The following RGS18 variants were observed in gnomAD, a reference collection of about 807,000 sequenced individuals.
RGS18 encodes the protein regulator of G protein signaling 18, also known as regulator of G-protein signaling 18.
In RGS18, 22 loss-of-function variants were observed where a neutral mutation model predicts 27.6. The observed-to-expected ratio is 0.80, with a 90% CI of 0.57 to 1.14. The LOEUF is 1.14. RGS18 is among the 50% of genes most tolerant of loss of function. The pLI, the probability that RGS18 is intolerant of heterozygous loss-of-function variation, is 0.00. For missense variants in RGS18, 299 were observed against 269.6 expected, an observed-to-expected ratio of 1.11 and a Z score of -0.76; for synonymous variants, 89 against 84.6, an observed-to-expected ratio of 1.05 and a Z score of -0.29.
At chr1:192,182,807 A>C (rs1054026669) in intron 4 of RGS18, among the ~76,000 whole-genome samples, 3 of 151,600 alleles carry the variant, frequency 2.0e-5, no homozygotes, top group African/African-American at 7.3e-5. Flanking sequence ...ATAAGTGATG[A>C]AGTCAAGGGA....
intron 3 of RGS18, among the ~76,000 whole-genome samples, chr1:192,162,630 T>C (rs1239473390): frequency 2.0e-5 from 3 of 152,196 alleles, no homozygotes. Flanking sequence ...TTGCCAAATC[T>C]ATGTCAAACT....
chr1:192,173,127 T>A (rs777540704), intron 3 of RGS18, among the ~76,000 whole-genome samples: 32 of 151,810 alleles, frequency 2.1e-4, no homozygotes, highest in Admixed American at 1.3e-4. Context: ...TCATTTTATA[T>A]GGAACTTTTT....
chr1:192,184,656 T>C lies in RGS18; in HGVS notation c.*102T>C, dbSNP rs1258480780. ...TGGTCCCATCCTTTAAACTGAAATA[T>C]GTCATGTGAAATTATTTTAAAAATG... is the stretch of plus-strand genomic sequence containing the variant. On this transcript the variant is annotated 3_prime_UTR_variant, in exon 5 of 5. Transcript: ENST00000367460. 5.5e-6 allele frequency: 6 copies of C among 1,100,456 alleles called. No homozygotes were observed. The highest frequency in any genetic ancestry group is 1.6e-5 in the South Asian group (1 of 62,246). 68.2% of individuals were successfully genotyped at this position (1,100,456 alleles called of 1,614,324 possible).
intron 1 of RGS18, 103 bp from the exon 2 acceptor site, chr1:192,159,117 G>A: frequency 1.4e-6 from 1 of 705,212 alleles, no homozygotes; most frequent in Admixed American, 2.3e-5. Flanking sequence ...TGTGGGTATG[G>A]GTGGGCGTGG....
At chr1:192,176,041 C>T (rs1265627965) in intron 3 of RGS18, among the ~76,000 whole-genome samples, 2 of 151,776 alleles carry the variant, frequency 1.3e-5, no homozygotes, top group African/African-American at 2.4e-5. Context: ...GCAGCCTGTC[C>T]TGGTTTTTAT....
chr1:192,160,543 G>T, intron 3 of RGS18, 104 bp downstream of exon 3: 1 of 723,184 alleles, frequency 1.4e-6, no homozygotes, highest in East Asian at 2.7e-5. Context: ...TTGTCTGATT[G>T]TTAATTTTCA....
Position 192,184,451 on chromosome 1 carries a change from T to C in RGS18, c.605T>C (p.Met202Thr), listed in dbSNP as rs1490714850. 16 of 1,611,696 alleles carry C rather than the reference T, an allele frequency of 9.9e-6. No homozygotes were observed. In the South Asian group the frequency reaches 1.8e-4, roughly 18 times the overall value. Residue 202 changes from methionine (M) to threonine (T), a missense_variant, in exon 5 of 5, where the codon ATG becomes ACG. By Grantham distance (81) the Met-to-Thr change is moderately conservative (BLOSUM62 -1). Coordinates refer to ENST00000367460, the MANE Select transcript of RGS18 (RefSeq NM_130782.3). The stretch of plus-strand genomic sequence containing the variant: ...AAATCTGACATCTATTTAGACTTGA[T>C]GGAAGGAAGACCTCAGAGACCAACA... ...FLKSDIYLDL[M>T]EGRPQRPTNL...
intron 3 of RGS18, among the ~76,000 whole-genome samples, chr1:192,174,791 A>C (rs1352804684): frequency 6.6e-6 from 1 of 151,800 alleles, no homozygotes; most frequent in African/African-American, 2.4e-5. Context: ...CTTTTCATTT[A>C]ATGTGTCTCT....
At chr1:192,180,610 T>C (rs983062308) in intron 3 of RGS18, among the ~76,000 whole-genome samples, 2 of 151,652 alleles carry the variant, frequency 1.3e-5, no homozygotes, top group African/African-American at 4.8e-5. Context: ...TGTAAGCCAC[T>C]TGGAAGATTA....
At position 192,184,750 on chromosome 1, in the gene RGS18, T is replaced by A. The variant is rs1656516891; in HGVS notation, c.*196T>A. On this transcript the variant is annotated 3_prime_UTR_variant, in exon 5 of 5. Transcript: ENST00000367460. The stretch of plus-strand genomic sequence containing the variant: ...CAGTATATTCTGTAAAACCTTCTAT[T>A]TGATGTCATTCCATTTATAATCAGA... The A allele has an allele frequency of 2.0e-5, 10 of 506,648 alleles. No homozygotes were observed. The highest frequency in any genetic ancestry group is 3.1e-5 in the Non-Finnish European group (9 of 288,060). 31.4% of individuals were successfully genotyped at this position (506,648 alleles called of 1,614,324 possible).
At chr1:192,159,382 A>T in intron 2 of RGS18, 61 bp downstream of exon 2, 5 of 1,107,690 alleles carry the variant, frequency 4.5e-6, no homozygotes, top group Non-Finnish European at 4.1e-6. Flanking sequence ...AAGATTTAAG[A>T]AAAATGCAGT....
intron 3 of RGS18, among the ~76,000 whole-genome samples, chr1:192,162,017 C>T (rs566318588): frequency 4.5e-4 from 68 of 152,198 alleles, no homozygotes; most frequent in African/African-American, 1.6e-3. Context: ...TGCCTCTGAA[C>T]TGTAATATTT....
At chr1:192,159,519 C>T (rs1175113831) in intron 2 of RGS18, among the ~76,000 whole-genome samples, 198 bp downstream of exon 2, 4 of 152,124 alleles carry the variant, frequency 2.6e-5, no homozygotes, top group South Asian at 2.1e-4. Context: ...TGAATAATCA[C>T]GTGAACACTT....
At chr1:192,164,010 T>C (rs1656117856) in intron 3 of RGS18, among the ~76,000 whole-genome samples, 2 of 152,056 alleles carry the variant, frequency 1.3e-5, no homozygotes, top group African/African-American at 2.4e-5. Flanking sequence ...CTGTATGTTA[T>C]GTCATTAAAA....
intron 3 of RGS18, chr1:192,163,262 C>A (rs1326940374): frequency 2.0e-5 from 3 of 152,082 alleles, no homozygotes; most frequent in African/African-American, 7.2e-5. Flanking sequence ...GCTTAATAAT[C>A]TTTTTTTCTG....
intron 3 of RGS18, among the ~76,000 whole-genome samples, chr1:192,170,667 T>C (rs1281191132): frequency 6.8e-6 from 1 of 147,062 alleles, no homozygotes; most frequent in African/African-American, 2.5e-5. Context: ...GGGGCAAAAT[T>C]AGAAAAAAAA....
intron 3 of RGS18, among the ~76,000 whole-genome samples, chr1:192,177,888 C>A (rs1345821244): frequency 6.6e-6 from 1 of 151,430 alleles, no homozygotes; most frequent in Non-Finnish European, 1.5e-5. Flanking sequence ...AAATTTTAAA[C>A]GGTGAAGAAT....
At chr1:192,160,319 C>A in intron 2 of RGS18, 59 bp from the exon 3 acceptor site, 1 of 1,076,166 alleles carries the variant, frequency 9.3e-7, no homozygotes, top group Admixed American at 1.8e-5. Context: ...TATGTTAGAA[C>A]AGATTCATAA....
At chr1:192,180,033 T>G (rs1429973164) in intron 3 of RGS18, among the ~76,000 whole-genome samples, 1 of 151,618 alleles carries the variant, frequency 6.6e-6, no homozygotes, top group African/African-American at 2.4e-5. Context: ...AATAAAAAAG[T>G]TTAACTTTTA....
Sources: allele counts gnomAD v4.1 joint callset (sites outside exome capture counted in the v4.1 genomes callset), GRCh38; gene constraint gnomAD v4.1.1; transcripts MANE v1.5; gene names NCBI Gene and HGNC (gene_info 2026-07-23, HGNC 2026-07-21).